The following ADTRP variants were observed in gnomAD, a reference collection of about 807,000 sequenced individuals.
The protein encoded by ADTRP is androgen-dependent TFPI-regulating protein.
A neutral mutation model predicts 27.0 loss-of-function variants in ADTRP; 20 were observed. That is an observed-to-expected ratio of 0.74 (90% CI 0.52 to 1.08). The LOEUF (loss-of-function observed/expected upper bound fraction) is 1.08, where lower values mean the gene tolerates loss of function less well. ADTRP is among the 50% of genes least tolerant of loss of function. ADTRP has a pLI of 0.00. For missense variants in ADTRP, 251 were observed against 275.0 expected, an observed-to-expected ratio of 0.91 and a Z score of 0.62; for synonymous variants, 101 against 105.2, an observed-to-expected ratio of 0.96 and a Z score of 0.25.
chr6:11,764,616 T>C (rs556110380), intron 3 of ADTRP, among the ~76,000 whole-genome samples: 117 of 152,044 alleles, frequency 7.7e-4, no homozygotes, highest in African/African-American at 2.6e-3. Context: ...TTTGATTGCC[T>C]GGTGAATTAG....
At chr6:11,761,119 T>A (rs1763378411) in intron 3 of ADTRP, among the ~76,000 whole-genome samples, 1 of 152,240 alleles carries the variant, frequency 6.6e-6, no homozygotes, top group Non-Finnish European at 1.5e-5. Flanking sequence ...TGCCTGAGCC[T>A]TTCTTCTGCC....
At chr6:11,748,423 T>C (rs1322875342) in intron 3 of ADTRP, among the ~76,000 whole-genome samples, 2 of 152,142 alleles carry the variant, frequency 1.3e-5, no homozygotes, top group East Asian at 3.8e-4. Context: ...AGAGATGAAG[T>C]CTTCATTCAT....
At chr6:11,751,894 T>G (rs1763066794) in intron 3 of ADTRP, among the ~76,000 whole-genome samples, 1 of 152,254 alleles carries the variant, frequency 6.6e-6, no homozygotes. Flanking sequence ...GCTATTGCTA[T>G]GAAGAAATCA....
intron 3 of ADTRP, chr6:11,755,170 A>G: frequency 3.1e-6 from 2 of 637,790 alleles, no homozygotes; most frequent in Non-Finnish European, 3.9e-6. Flanking sequence ...AATAATTTTA[A>G]TTACTAAAAT....
intron 3 of ADTRP, among the ~76,000 whole-genome samples, chr6:11,756,475 A>G (rs1329835168): frequency 6.6e-6 from 1 of 152,230 alleles, no homozygotes; most frequent in African/African-American, 2.4e-5. Flanking sequence ...TGTCATTTAA[A>G]AAATGCATTG....
chr6:11,765,324 T>TTG (rs1763532315), intron 3 of ADTRP, among the ~76,000 whole-genome samples: 1 of 87,460 alleles, frequency 1.1e-5, no homozygotes, highest in African/African-American at 6.0e-5. Context: ...CCCTGGTTTG[T>TTG]TTTTTTTTTT....
intron 3 of ADTRP, among the ~76,000 whole-genome samples, chr6:11,759,103 G>C (rs990963369): frequency 6.6e-6 from 1 of 152,212 alleles, no homozygotes; most frequent in African/African-American, 2.4e-5. Context: ...CTCATATCAA[G>C]TGACATTTGC....
intron 1 of ADTRP, among the ~76,000 whole-genome samples, chr6:11,776,017 T>C (rs956721602): frequency 6.8e-6 from 1 of 146,554 alleles, no homozygotes; most frequent in Non-Finnish European, 1.5e-5. Flanking sequence ...TGAACACTAA[T>C]TAATCATTAG....
At chr6:11,752,904 C>T (rs1270528532) in intron 3 of ADTRP, among the ~76,000 whole-genome samples, 2 of 152,106 alleles carry the variant, frequency 1.3e-5, no homozygotes, top group Non-Finnish European at 2.9e-5. Flanking sequence ...AAGTCAATAA[C>T]GATTTGCATG....
chr6:11,715,523 C>G (rs754484227), intron 5 of ADTRP, among the ~76,000 whole-genome samples: 1 of 152,174 alleles, frequency 6.6e-6, no homozygotes, highest in Non-Finnish European at 1.5e-5. Flanking sequence ...ACTCTGTCTT[C>G]TTCGTCTGCT....
intron 3 of ADTRP, among the ~76,000 whole-genome samples, chr6:11,755,914 T>A (rs1763201793): frequency 6.6e-6 from 1 of 152,228 alleles, no homozygotes; most frequent in African/African-American, 2.4e-5. Context: ...CCCCTTGGGA[T>A]GCCATGGAGA....
intron 2 of ADTRP, 72 bp from the exon 3 acceptor site, chr6:11,766,447 A>T: frequency 9.0e-7 from 1 of 1,108,172 alleles, no homozygotes; most frequent in Non-Finnish European, 1.3e-6. Context: ...ATAATCAAGG[A>T]AACACAGCTA....
At chr6:11,714,750 T>C (rs886358564) in intron 5 of ADTRP, among the ~76,000 whole-genome samples, 2 of 152,250 alleles carry the variant, frequency 1.3e-5, no homozygotes, top group African/African-American at 4.8e-5. Flanking sequence ...GCACCCACGA[T>C]GCTGTTTGCC....
At chr6:11,773,305 C>T (rs928152022) in intron 1 of ADTRP, among the ~76,000 whole-genome samples, 4 of 152,154 alleles carry the variant, frequency 2.6e-5, no homozygotes, top group Admixed American at 6.5e-5. Flanking sequence ...AGGTCAGGTT[C>T]CGTGGGAAAC....
Position 11,758,471 on chromosome 6 carries a change from C to T in ADTRP, c.390+7803G>A, listed in dbSNP as rs547954474. Among the ~76,000 whole-genome samples, 379 of 141,354 alleles carry T rather than the reference C, an allele frequency of 2.7e-3. 3 individuals are homozygous for T. The highest frequency in any genetic ancestry group is 9.7e-3 in the African/African-American group (365 of 37,654). 92.7% of individuals were successfully genotyped at this position (141,354 alleles called of 152,430 possible). On this transcript the variant is annotated intron_variant, in intron 3 of 5. Transcript: ENST00000414691. ...CATTCTCAGCAAACTATCGCAAGGACAAAAAACCAAACACCGCATGTTCTC... is the reference window on the plus strand; with the variant it reads ...CATTCTCAGCAAACTATCGCAAGGATAAAAAACCAAACACCGCATGTTCTC...
intron 4 of ADTRP, among the ~76,000 whole-genome samples, chr6:11,733,330 A>C (rs1762446085): frequency 6.6e-6 from 1 of 152,260 alleles, no homozygotes; most frequent in South Asian, 2.1e-4. Flanking sequence ...ACTTTTCTAC[A>C]GAAAAGCACT....
At chr6:11,725,052 A>T (rs1156983334) in intron 4 of ADTRP, among the ~76,000 whole-genome samples, 1 of 152,224 alleles carries the variant, frequency 6.6e-6, no homozygotes, top group African/African-American at 2.4e-5. Flanking sequence ...TCTGTGCTTA[A>T]ACTTTCAGAA....
In ADTRP at chr6:11,714,268, T is replaced by C. The variant is rs1258235985; in HGVS notation, c.*210A>G. The stretch of plus-strand genomic sequence containing the variant: ...ATTAATTCTGAGATAGCAGGAGTTG[T>C]TTTTGGCATGTGCAGTCAACCTTTC... On this transcript the variant is annotated 3_prime_UTR_variant, in exon 6 of 6. Coordinates refer to ENST00000414691, the MANE Select transcript of ADTRP (RefSeq NM_032744.4). The C allele has an allele frequency of 1.1e-5, 6 of 557,046 alleles. No individual in the cohort carries two copies. Among genetic ancestry groups the C allele is most frequent in the Non-Finnish European group, 1.9e-5 (6 of 317,236 alleles). The allele number at this position is 557,046 out of a possible 1,614,324, so 34.5% of individuals were successfully genotyped here.
chr6:11,773,623 C>T (rs1424868386), intron 1 of ADTRP, among the ~76,000 whole-genome samples: 2 of 152,224 alleles, frequency 1.3e-5, no homozygotes, highest in Non-Finnish European at 2.9e-5. Context: ...CAGCTTTGCA[C>T]CATCAGCAGC....
Sources: gnomAD v4.1 joint callset for allele counts (sites outside exome capture counted in the v4.1 genomes callset) on GRCh38, gnomAD v4.1.1 for gene constraint, MANE v1.5 for transcripts, NCBI Gene and HGNC (gene_info 2026-07-23, HGNC 2026-07-21) for gene names.